The following PRKN variants were observed in gnomAD, a reference collection of about 807,000 sequenced individuals.
The protein encoded by PRKN is E3 ubiquitin-protein ligase parkin.
A neutral mutation model predicts 59.5 loss-of-function variants in PRKN; 56 were observed. The ratio of observed to expected loss-of-function variants is 0.94; its 90% CI spans 0.76 to 1.18. The LOEUF is 1.18. Among genes scored for constraint, PRKN ranks in the 50% most tolerant of loss-of-function variants. The probability of loss-of-function intolerance (pLI) is 0.00; values close to 1 mark genes in which losing one functional copy is unlikely to be tolerated. For synonymous variants in PRKN, 250 were observed against 222.1 expected, an observed-to-expected ratio of 1.13 and a Z score of -1.12; for missense variants, 657 against 596.4, an observed-to-expected ratio of 1.10 and a Z score of -1.06.
At chr6:161,687,115 G>A (rs1037870570) in intron 7 of PRKN, among the ~76,000 whole-genome samples, 1 of 152,014 alleles carries the variant, frequency 6.6e-6, no homozygotes, top group South Asian at 2.1e-4. Context: ...GGCCAGTCAC[G>A]GTGGCTCATG....
chr6:162,199,476 C>G (rs905733228), intron 4 of PRKN, among the ~76,000 whole-genome samples: 1 of 151,962 alleles, frequency 6.6e-6, no homozygotes, highest in Non-Finnish European at 1.5e-5. Context: ...CCATTTTTAC[C>G]AAGAATACCA....
At chr6:161,967,823 C>T (rs1780638544) in intron 6 of PRKN, among the ~76,000 whole-genome samples, 1 of 152,130 alleles carries the variant, frequency 6.6e-6, no homozygotes, top group Admixed American at 6.5e-5. Flanking sequence ...ATGAGACATA[C>T]TTGTGATGAT....
intron 5 of PRKN, 150 bp downstream of exon 5, chr6:162,053,940 TA>T (rs1241116689): frequency 2.8e-6 from 2 of 707,572 alleles, no homozygotes; most frequent in South Asian, 1.5e-5. Context: ...TTGGTGAATG[TA>T]ATTAACCTAT....
In PRKN at chr6:161,936,665, C is replaced by A. The variant is rs980735997; in HGVS notation, c.734+36637G>T. Among the ~76,000 whole-genome samples the A allele has an allele frequency of 2.6e-5, 4 of 152,114 alleles. No homozygotes were observed. In the East Asian group the frequency reaches 5.8e-4, roughly 22 times the overall value. On this transcript the variant is annotated intron_variant, in intron 6 of 11. Transcript: ENST00000366898. ...GCTCCACCAGAGACTCCTCCTGCACCACGAGAAAGCTCTGATAACTCTTCT... is the reference window on the plus strand; with the variant it reads ...GCTCCACCAGAGACTCCTCCTGCACAACGAGAAAGCTCTGATAACTCTTCT...
At chr6:162,376,388 T>C (rs1037184284) in intron 2 of PRKN, among the ~76,000 whole-genome samples, 9 of 152,096 alleles carry the variant, frequency 5.9e-5, no homozygotes, top group African/African-American at 2.2e-4. Flanking sequence ...TGGATCCTTA[T>C]GTTTGTGGGG....
chr6:161,748,713 G>A (rs908578751), intron 7 of PRKN, among the ~76,000 whole-genome samples: 2 of 152,116 alleles, frequency 1.3e-5, no homozygotes, highest in Admixed American at 6.5e-5. Flanking sequence ...AGTGAGAAGG[G>A]GCACTTGGGA....
At chr6:161,938,807 G>A (rs1474116127) in intron 6 of PRKN, among the ~76,000 whole-genome samples, 1 of 152,106 alleles carries the variant, frequency 6.6e-6, no homozygotes, top group Non-Finnish European at 1.5e-5. Flanking sequence ...TTAGAAATGT[G>A]AGTGATTCTT....
intron 1 of PRKN, among the ~76,000 whole-genome samples, chr6:162,568,137 A>G (rs1780156527): frequency 6.6e-6 from 1 of 152,232 alleles, no homozygotes; most frequent in Non-Finnish European, 1.5e-5. Flanking sequence ...AAAATTAAAT[A>G]GAAAACCTCA....
In PRKN at chr6:161,851,944, G is replaced by A. The variant is rs532391544; in HGVS notation, c.735-66036C>T. On this transcript the variant is annotated intron_variant, in intron 6 of 11. Coordinates refer to ENST00000366898, the MANE Select transcript of PRKN (RefSeq NM_004562.3). ...TCTACCAAAAATACAAAAATTAGCC[G>A]GGCGTGGTAGCACACACCTGTGGTC... 1.2e-3 allele frequency among the ~76,000 whole-genome samples: 176 copies of A among 151,020 alleles called. 2 individuals are homozygous for A. Among genetic ancestry groups the A allele is most frequent in the Non-Finnish European group, 5.6e-4 (38 of 67,760 alleles).
intron 7 of PRKN, among the ~76,000 whole-genome samples, chr6:161,760,685 G>A (rs4709553): frequency 0.52 from 79,103 of 152,018 alleles, 20,767 homozygotes; most frequent in East Asian, 0.57. Flanking sequence ...TTTTGTGGTC[G>A]TGGGACACAG....
intron 1 of PRKN, chr6:162,694,823 T>C (rs1476839164): frequency 6.6e-6 from 1 of 152,232 alleles, no homozygotes; most frequent in Non-Finnish European, 1.5e-5. Flanking sequence ...CTGACATTTT[T>C]AAATCGTAAA....
At chr6:162,371,103 G>T (rs2128136901) in intron 2 of PRKN, among the ~76,000 whole-genome samples, 2 of 152,294 alleles carry the variant, frequency 1.3e-5, no homozygotes, top group Middle Eastern at 6.8e-3. Context: ...CATGCTTAGG[G>T]CAAGATAATT....
At chr6:162,320,388 AGCATTTTAAGATC>A (rs1782957171) in intron 2 of PRKN, among the ~76,000 whole-genome samples, 1 of 137,828 alleles carries the variant, frequency 7.3e-6, no homozygotes, top group Non-Finnish European at 1.6e-5. Context: ...AAAAAAACCA[AGCATTTTAAGATC>A]AAACAAGCAA....
intron 6 of PRKN, among the ~76,000 whole-genome samples, chr6:161,820,283 C>G (rs996161147): frequency 1.1e-4 from 16 of 151,784 alleles, no homozygotes; most frequent in Middle Eastern, 3.2e-3. Context: ...AGCAAAACCT[C>G]TCTGAAAAAC....
intron 9 of PRKN, among the ~76,000 whole-genome samples, chr6:161,408,225 T>G (rs1787365244): frequency 6.6e-6 from 1 of 150,762 alleles, no homozygotes; most frequent in African/African-American, 2.4e-5. Context: ...TTTACATAAG[T>G]CATGGCACAC....
intron 6 of PRKN, among the ~76,000 whole-genome samples, chr6:161,844,466 G>C (rs927086756): frequency 5.3e-5 from 8 of 152,246 alleles, no homozygotes; most frequent in Admixed American, 3.3e-4. Context: ...TCTCTACGGA[G>C]CTGGACGGTT....
At chr6:161,830,291 G>A (rs1314258437) in intron 6 of PRKN, among the ~76,000 whole-genome samples, 3 of 146,248 alleles carry the variant, frequency 2.1e-5, no homozygotes, top group Middle Eastern at 3.5e-3. Context: ...TCGCTCTGTT[G>A]CCCAGGCTGG....
chr6:162,343,598 A>G (rs1784279169), intron 2 of PRKN, among the ~76,000 whole-genome samples: 1 of 152,168 alleles, frequency 6.6e-6, no homozygotes. Context: ...TTTTAAGTGT[A>G]CTTACATAGG....
chr6:162,600,207 A>G (rs1781647202), intron 1 of PRKN, among the ~76,000 whole-genome samples: 1 of 152,124 alleles, frequency 6.6e-6, no homozygotes, highest in African/African-American at 2.4e-5. Context: ...GGTGTGGCCT[A>G]TTCCTTAACT....
Sources: gnomAD v4.1 joint callset for allele counts (sites outside exome capture counted in the v4.1 genomes callset) on GRCh38, gnomAD v4.1.1 for gene constraint, MANE v1.5 for transcripts, NCBI Gene and HGNC (gene_info 2026-07-23, HGNC 2026-07-21) for gene names.